Variants in ADAMTS13 observed in about 807,000 individuals in gnomAD.
ADAMTS13 encodes the protein A disintegrin and metalloproteinase with thrombospondin motifs 13.
ADAMTS13 carries 110 observed loss-of-function variants against 155.1 expected under a neutral mutation model. The ratio of observed to expected loss-of-function variants is 0.71; its 90% CI spans 0.61 to 0.83. The LOEUF is 0.83. ADAMTS13 is among the 40% of genes least tolerant of loss of function. The probability of loss-of-function intolerance (pLI) is 0.00; values close to 1 mark genes in which losing one functional copy is unlikely to be tolerated. For synonymous variants in ADAMTS13, 758 were observed against 756.4 expected (o/e 1.00, Z -0.03); for missense variants, 1,707 against 1,891.7 (o/e 0.90, Z 1.81).
Position 133,433,718 on chromosome 9 carries a change from C to G in ADAMTS13, c.1308+14C>G. The stretch of plus-strand genomic sequence containing the variant: ...TGCAACACTCAGGTAGGCCTGCTTC[C>G]TGGGGTAGGAGGGGGCAGCTGGTGG... On this transcript the variant is annotated intron_variant, in intron 11 of 28. Transcript: ENST00000355699. The G allele has an allele frequency of 6.2e-7, 1 of 1,612,354 alleles. No individual in the cohort carries two copies. Among genetic ancestry groups the G allele is most frequent in the Non-Finnish European group, 8.5e-7 (1 of 1,179,944 alleles).
Position 133,445,826 on chromosome 9 carries a change from G to GC in ADAMTS13, c.2731+12dup, listed in dbSNP as rs782108353. On this transcript the variant is annotated splice_region_variant and intron_variant, in intron 21 of 28. Coordinates refer to ENST00000355699, the MANE Select transcript of ADAMTS13 (RefSeq NM_139027.6). The surrounding 1 kb of genome is among the most constrained non-coding windows in gnomAD (Gnocchi z 5.0). The stretch of plus-strand genomic sequence containing the variant: ...TCCGTCTCCTGCGGGCGAGGTGAGG[G>GC]CCCCCGGGATGCTCCTGGGGACCAG... 2 of 1,570,888 alleles carry GC rather than the reference G, an allele frequency of 1.3e-6. No individual in the cohort carries two copies. Among genetic ancestry groups the GC allele is most frequent in the South Asian group, 1.2e-5 (1 of 86,596 alleles).
intron 7 of ADAMTS13, 22 bp from the exon 8 acceptor site, chr9:133,429,917 C>T (rs1235945891): frequency 2.1e-5 from 32 of 1,534,290 alleles, no homozygotes; most frequent in Non-Finnish European, 2.6e-5. Context: ...CTGAGCCGGG[C>T]CTGAGCCGGG....
chr9:133,442,844 G>C lies in ADAMTS13; in HGVS notation c.2234+101G>C, dbSNP rs112600545. The C allele has an allele frequency of 1.2e-4, 173 of 1,471,834 alleles. 3 individuals are homozygous for C. The African/African-American group carries it at 1.9e-3, about 16-fold the overall frequency. The allele number at this position is 1,471,834 out of a possible 1,614,324, so 91.2% of individuals were successfully genotyped here. On this transcript the variant is annotated intron_variant, in intron 18 of 28. Coordinates refer to ENST00000355699, the MANE Select transcript of ADAMTS13 (RefSeq NM_139027.6). ...CTATGGGGCCCATGTGGCAGGGCCGGGCTGAGCTGCTCCTGTGCAGGCTCT... is the reference window on the plus strand; with the variant it reads ...CTATGGGGCCCATGTGGCAGGGCCGCGCTGAGCTGCTCCTGTGCAGGCTCT...
intron 21 of ADAMTS13, among the ~76,000 whole-genome samples, chr9:133,447,673 C>T (rs782811511): frequency 3.9e-5 from 6 of 152,072 alleles, no homozygotes; most frequent in South Asian, 2.1e-4. Context: ...ACTGCAACCT[C>T]CGCCTCCCAT....
Position 133,425,629 on chromosome 9 carries a change from A to G in ADAMTS13, c.414+17A>G. 1.9e-6 allele frequency: 3 copies of G among 1,612,040 alleles called. No homozygotes were observed. The highest frequency in any genetic ancestry group is 2.5e-6 in the Non-Finnish European group (3 of 1,179,222). On this transcript the variant is annotated intron_variant, in intron 4 of 28. Transcript: ENST00000355699. The surrounding 1 kb of genome is among the most constrained non-coding windows in gnomAD (Gnocchi z 4.6). ...GAGCCTGAGGTAGGCATGGAGCTGG[A>G]ACTCAGCACACCATACAGAGCGGGA...
intron 21 of ADAMTS13, among the ~76,000 whole-genome samples, chr9:133,448,054 A>G (rs1554793121): frequency 6.7e-6 from 1 of 148,356 alleles, no homozygotes; most frequent in Non-Finnish European, 1.5e-5. Context: ...CCAGTGGCGC[A>G]GTCTTGGCTC....
At chr9:133,450,013 C>G in intron 23 of ADAMTS13, 48 bp downstream of exon 23, 1 of 1,544,848 alleles carries the variant, frequency 6.5e-7, no homozygotes, top group Admixed American at 1.9e-5. Flanking sequence ...TGTGCAGATG[C>G]CAGGCCAGGC....
rs782615140 is a variant in ADAMTS13 at position 133,425,540 on chromosome 9, G to A, written c.342G>A (p.Leu114=). ...VLTNLNIGAE[L]LRDPSLGAQF... is the part of the protein sequence containing the mutation. ...CTGCCCTTGCACAGGGGGCAGAACT[G>A]CTTCGGGACCCGTCCCTGGGGGCTC... is the stretch of plus-strand genomic sequence containing the variant. The change falls in exon 4 of 29, where the codon CTG becomes CTA. Residue 114 remains leucine (L), a synonymous_variant. Coordinates refer to ENST00000355699, the MANE Select transcript of ADAMTS13 (RefSeq NM_139027.6). This position sits in a 1 kb window ranked among gnomAD's most constrained non-coding sequence, Gnocchi z 4.6. The A allele has an allele frequency of 1.2e-6, 2 of 1,613,396 alleles. No homozygotes were observed. Among genetic ancestry groups the A allele is most frequent in the Non-Finnish European group, 1.7e-6 (2 of 1,179,932 alleles).
chr9:133,434,753 C>T (rs1554788487), intron 11 of ADAMTS13, among the ~76,000 whole-genome samples: 1 of 152,162 alleles, frequency 6.6e-6, no homozygotes, highest in African/African-American at 2.4e-5. Context: ...CTCTGGAGTA[C>T]TCTGGAGTGA....
intron 25 of ADAMTS13, 80 bp downstream of exon 25, chr9:133,455,515 G>A: frequency 2.5e-6 from 4 of 1,611,720 alleles, no homozygotes; most frequent in Non-Finnish European, 2.5e-6. Flanking sequence ...CCTCCCTGGA[G>A]TGGTCCCAGG....
chr9:133,418,128 C>T, upstream of ADAMTS13: 2 of 478,040 alleles, frequency 4.2e-6, no homozygotes, highest in Non-Finnish European at 7.4e-6. Context: ...GGGACTTGGG[C>T]CGCCGCCTTA....
intron 1 of ADAMTS13, among the ~76,000 whole-genome samples, chr9:133,415,395 T>C (rs1839521255): frequency 6.6e-6 from 1 of 151,604 alleles, no homozygotes; most frequent in South Asian, 2.1e-4. Flanking sequence ...GCCAACATCC[T>C]GCTACACAGA....
At chr9:133,447,984 AT>A (rs962299876) in intron 21 of ADAMTS13, among the ~76,000 whole-genome samples, 6 of 143,392 alleles carry the variant, frequency 4.2e-5, no homozygotes, top group South Asian at 2.2e-4. Flanking sequence ...TCATATTGTG[AT>A]TTTTTTTTCT....
chr9:133,437,432 A>G (rs1554789399), intron 12 of ADAMTS13, among the ~76,000 whole-genome samples: 1 of 151,874 alleles, frequency 6.6e-6, no homozygotes, highest in African/African-American at 2.4e-5. Flanking sequence ...ATTTTTTTGT[A>G]TTTTTAGTAG....
At chr9:133,431,068 C>T (rs1033561939) in intron 8 of ADAMTS13, among the ~76,000 whole-genome samples, 6 of 152,028 alleles carry the variant, frequency 3.9e-5, no homozygotes, top group African/African-American at 9.7e-5. Context: ...TGGGCACAAA[C>T]GATCCTCCCA....
At chr9:133,450,166 C>T (rs1441083622) in intron 23 of ADAMTS13, among the ~76,000 whole-genome samples, 1 of 150,996 alleles carries the variant, frequency 6.6e-6, no homozygotes, top group East Asian at 1.9e-4. Context: ...GGTGTGGTGG[C>T]TCACGCCTGT....
intron 8 of ADAMTS13, among the ~76,000 whole-genome samples, chr9:133,430,345 CCCTGTG>C (rs1840659552): frequency 6.6e-6 from 1 of 152,176 alleles, no homozygotes; most frequent in South Asian, 2.1e-4. Flanking sequence ...CTGGGAGGGC[CCCTGTG>C]CCCAAGGACT....
In ADAMTS13 at chr9:133,432,583, C is replaced by T. The variant is rs1840849924; in HGVS notation, c.988-5C>T. Reference sequence around the variant, plus strand: ...AGCTCGCCACCCACCTGTCCACCCTCCTAGGATATGTGCCAGGCCCTCTCC... The same window carrying T: ...AGCTCGCCACCCACCTGTCCACCCTTCTAGGATATGTGCCAGGCCCTCTCC... On this transcript the variant is annotated splice_polypyrimidine_tract_variant and splice_region_variant and intron_variant, in intron 8 of 28. Coordinates refer to ENST00000355699, the MANE Select transcript of ADAMTS13 (RefSeq NM_139027.6). 1.9e-6 allele frequency: 3 copies of T among 1,550,836 alleles called. No homozygotes were observed. The highest frequency in any genetic ancestry group is 2.7e-5 in the African/African-American group (2 of 73,274).
rs782089166 is a variant in ADAMTS13 at position 133,437,838 on chromosome 9, A to G, written c.1525A>G (p.Met509Val). The G allele has an allele frequency of 1.2e-6, 2 of 1,613,970 alleles. No homozygotes were observed. The highest frequency in any genetic ancestry group is 1.1e-5 in the South Asian group (1 of 91,088). ...CAGCTTCCTCGATGGGACCCGGTGT[A>G]TGCCAAGTGGCCCCCGGGAGGACGG... Reference protein sequence around the residue: ...GDSFLDGTRCMPSGPREDGTL... With the variant: ...GDSFLDGTRCVPSGPREDGTL... Residue 509 changes from methionine to valine, a missense_variant, in exon 13 of 29, where the codon ATG (methionine) becomes GTG (valine). Physicochemically the swap from Met to Val is conservative, Grantham distance 21. Coordinates refer to ENST00000355699, the MANE Select transcript of ADAMTS13 (RefSeq NM_139027.6).
Sources: gnomAD v4.1 joint callset for allele counts (sites outside exome capture counted in the v4.1 genomes callset) on GRCh38, gnomAD v4.1.1 for gene constraint, Gnocchi (gnomAD v3.1) non-coding constraint, MANE v1.5 for transcripts, NCBI Gene and HGNC (gene_info 2026-07-23, HGNC 2026-07-21) for gene names.